Variants in CLDN10 observed in about 807,000 individuals in gnomAD.
CLDN10 encodes the protein claudin 10.
CLDN10 carries 15 observed loss-of-function variants against 22.9 expected under a neutral mutation model. The observed-to-expected ratio is 0.65, with a 90% CI of 0.44 to 1.01. The LOEUF is 1.01. CLDN10 is among the 50% of genes least tolerant of loss of function. CLDN10 has a pLI of 0.00. For synonymous variants in CLDN10, 114 were observed against 111.4 expected (o/e 1.02, Z -0.15); for missense variants, 247 against 287.8 (o/e 0.86, Z 1.03).
chr13:95,553,100 CT>C, intron 1 of CLDN10, 127 bp downstream of exon 1: 1 of 1,317,358 alleles, frequency 7.6e-7, no homozygotes, highest in Non-Finnish European at 1.0e-6. Context: ...CGACCCGTCT[CT>C]CCCAACAGGG....
chr13:95,476,042 C>G (rs947907183), intron 1 of CLDN10, among the ~76,000 whole-genome samples: 1 of 152,180 alleles, frequency 6.6e-6, no homozygotes, highest in African/African-American at 2.4e-5. Context: ...GTGTGCCACT[C>G]CCCTTCTGGG....
chr13:95,481,096 A>G (rs1041258684), intron 1 of CLDN10, among the ~76,000 whole-genome samples: 6 of 152,120 alleles, frequency 3.9e-5, no homozygotes, highest in South Asian at 2.1e-4. Context: ...TTGACCACCT[A>G]TTGGGCTAGA....
intron 1 of CLDN10, among the ~76,000 whole-genome samples, chr13:95,438,297 G>T (rs992435759): frequency 1.3e-5 from 2 of 152,172 alleles, no homozygotes; most frequent in South Asian, 4.1e-4. Context: ...TAAAGACAGG[G>T]TCTTGTGATG....
intron 1 of CLDN10, among the ~76,000 whole-genome samples, chr13:95,557,413 G>A (rs368884012): frequency 4.6e-5 from 7 of 152,104 alleles, no homozygotes; most frequent in African/African-American, 1.4e-4. Context: ...CAATCTGTGG[G>A]TGTTGTAAGG....
At chr13:95,537,439 G>T (rs1215276915) in intron 1 of CLDN10, among the ~76,000 whole-genome samples, 2 of 152,180 alleles carry the variant, frequency 1.3e-5, no homozygotes. Flanking sequence ...ACTGTAGCTT[G>T]AGTCCCACCA....
At chr13:95,574,326 A>T (rs938984151) in intron 3 of CLDN10, among the ~76,000 whole-genome samples, 1 of 141,976 alleles carries the variant, frequency 7.0e-6, no homozygotes, top group East Asian at 2.0e-4. Context: ...CCAAATTGTT[A>T]AAAAAAAAAT....
intron 1 of CLDN10, among the ~76,000 whole-genome samples, chr13:95,505,890 G>C (rs2043033620): frequency 1.3e-5 from 2 of 152,070 alleles, no homozygotes; most frequent in African/African-American, 4.8e-5. Context: ...AAGTATCTGG[G>C]ATTACAGGTG....
intron 1 of CLDN10, among the ~76,000 whole-genome samples, chr13:95,492,513 G>A (rs552065054): frequency 9.6e-4 from 146 of 152,200 alleles, no homozygotes; most frequent in African/African-American, 3.3e-3. Context: ...CACTCCCACC[G>A]TGCCTCCCCC....
intron 1 of CLDN10, among the ~76,000 whole-genome samples, chr13:95,487,789 C>T (rs924913238): frequency 1.3e-5 from 2 of 150,270 alleles, no homozygotes; most frequent in African/African-American, 2.5e-5. Flanking sequence ...ACCCTCCCAC[C>T]TCAGCTTCCC....
chr13:95,529,394 A>G (rs1360567633), intron 1 of CLDN10, among the ~76,000 whole-genome samples: 1 of 151,906 alleles, frequency 6.6e-6, no homozygotes, highest in Non-Finnish European at 1.5e-5. Context: ...ATTTTTTTTC[A>G]AAATAATGTA....
chr13:95,465,003 A>G lies in CLDN10; in HGVS notation c.214+30956A>G, dbSNP rs199953212. On this transcript the variant is annotated intron_variant, in intron 1 of 4. Coordinates refer to the CLDN10 transcript ENST00000376873. ...TGGCCTCCCAAAGTGCTAGGGTAACAGGTTGTATTAGTCCATTTTCACACT... is the reference window on the plus strand; with the variant it reads ...TGGCCTCCCAAAGTGCTAGGGTAACGGGTTGTATTAGTCCATTTTCACACT... 3.9e-4 allele frequency among the ~76,000 whole-genome samples: 60 copies of G among 152,282 alleles called. 1 individual carries two copies. In the East Asian group the frequency reaches 0.012, roughly 29 times the overall value.
intron 3 of CLDN10, among the ~76,000 whole-genome samples, chr13:95,563,350 T>C (rs2043743503): frequency 6.6e-6 from 1 of 152,186 alleles, no homozygotes; most frequent in Admixed American, 6.5e-5. Context: ...CTTATCTTTA[T>C]AGATGCCTTT....
chr13:95,531,687 G>A lies in CLDN10; in HGVS notation c.215-28445G>A, dbSNP rs1025275744. Among the ~76,000 whole-genome samples the A allele has an allele frequency of 2.2e-4, 33 of 150,504 alleles. 1 individual carries two copies. The highest frequency in any genetic ancestry group is 8.9e-5 in the Non-Finnish European group (6 of 67,748). ...TGAGACTACAGGCGCCCACCACCAC[G>A]CCTGGCTAATTTTTTTTTTTTTTTT... On this transcript the variant is annotated intron_variant, in intron 1 of 4. Coordinates refer to the CLDN10 transcript ENST00000376873.
intron 1 of CLDN10, among the ~76,000 whole-genome samples, chr13:95,512,938 C>A (rs1051723293): frequency 6.6e-6 from 1 of 152,160 alleles, no homozygotes; most frequent in Non-Finnish European, 1.5e-5. Flanking sequence ...TCCAGTGGCA[C>A]AATCTTGACT....
intron 1 of CLDN10, among the ~76,000 whole-genome samples, chr13:95,439,963 G>A (rs2042309390): frequency 6.6e-6 from 1 of 151,686 alleles, no homozygotes; most frequent in Non-Finnish European, 1.5e-5. Context: ...GCCCAGGCTG[G>A]AGTGCAGTGG....
At chr13:95,566,896 G>C (rs1288845958) in intron 3 of CLDN10, among the ~76,000 whole-genome samples, 1 of 152,102 alleles carries the variant, frequency 6.6e-6, no homozygotes, top group Admixed American at 6.6e-5. Context: ...CCCATTTCTT[G>C]TTTTTGTCAG....
chr13:95,560,527 C>A, intron 3 of CLDN10, 64 bp downstream of exon 3: 2 of 1,285,266 alleles, frequency 1.6e-6, no homozygotes, highest in Admixed American at 1.8e-5. Context: ...TATTCTCAAC[C>A]AAGAGACATG....
intron 4 of CLDN10, 78 bp downstream of exon 4, chr13:95,577,416 A>T (rs2043950328): frequency 1.1e-6 from 1 of 926,782 alleles, no homozygotes; most frequent in African/African-American, 1.6e-5. Flanking sequence ...CAAATTACAG[A>T]TAGTTCATAT....
At chr13:95,530,988 C>T (rs1429045558) in intron 1 of CLDN10, among the ~76,000 whole-genome samples, 1 of 151,080 alleles carries the variant, frequency 6.6e-6, no homozygotes. Flanking sequence ...TGCAGCGGCA[C>T]AATCTTGGCT....
Sources: gnomAD v4.1 joint callset for allele counts (sites outside exome capture counted in the v4.1 genomes callset) on GRCh38, gnomAD v4.1.1 for gene constraint, MANE v1.5 for transcripts, NCBI Gene and HGNC (gene_info 2026-07-23, HGNC 2026-07-21) for gene names.